Variants in EMC3 observed in about 807,000 individuals in gnomAD.
EMC3 encodes 30 kDa protein.
EMC3 carries 13 observed loss-of-function variants against 36.6 expected under a neutral mutation model. The ratio of observed to expected loss-of-function variants is 0.35; its 90% CI spans 0.23 to 0.56. The LOEUF is 0.56. EMC3 is among the 20% of genes least tolerant of loss of function. The pLI is 0.84. For missense variants in EMC3, 220 were observed against 324.5 expected (o/e 0.68, Z 2.47); for synonymous variants, 120 against 111.9 (o/e 1.07, Z -0.46).
At chr3:9,992,764 G>A in intron 1 of EMC3, 1 of 725,312 alleles carries the variant, frequency 1.4e-6, no homozygotes, top group Non-Finnish European at 2.3e-6. Context: ...GGGAGTGTGT[G>A]GAACAAATGA....
intron 3 of EMC3, among the ~76,000 whole-genome samples, chr3:9,974,857 GTTTTTTTTTTTT>G (rs71307728): frequency 1.6e-5 from 1 of 63,400 alleles, no homozygotes; most frequent in Admixed American, 2.0e-4. Flanking sequence ...CGCACCCAGC[GTTTTTTTTTTTT>G]TTTTTTTTTG....
upstream of EMC3, chr3:9,987,137 C>T (rs2085984846): frequency 1.2e-6 from 1 of 840,202 alleles, no homozygotes; most frequent in African/African-American, 1.9e-5. Flanking sequence ...TGGCGTGAAC[C>T]CAGGAGGCGG....
At chr3:9,966,464 A>G (rs1575671701) in intron 7 of EMC3, among the ~76,000 whole-genome samples, 1 of 151,652 alleles carries the variant, frequency 6.6e-6, no homozygotes, top group South Asian at 2.1e-4. Context: ...CTTGTGATCC[A>G]CCCACCTCAG....
intron 1 of EMC3, among the ~76,000 whole-genome samples, chr3:9,979,892 C>T (rs1046492970): frequency 1.4e-4 from 21 of 152,070 alleles, no homozygotes; most frequent in Admixed American, 1.2e-3. Flanking sequence ...AAACACTCTG[C>T]CTCTGAGGAC....
upstream of EMC3, chr3:9,988,851 C>G (rs573391315): frequency 1.2e-5 from 9 of 765,470 alleles, no homozygotes; most frequent in African/African-American, 1.6e-4. Context: ...TCCAGTCACT[C>G]TTCTCTCTCT....
intron 1 of EMC3, among the ~76,000 whole-genome samples, chr3:9,985,516 G>A (rs1352041091): frequency 6.6e-6 from 1 of 152,126 alleles, no homozygotes; most frequent in Non-Finnish European, 1.5e-5. Context: ...CAAGTTGCTG[G>A]GAGAAAACTA....
chr3:9,991,945 C>G (rs1236785050), intron 1 of EMC3, among the ~76,000 whole-genome samples: 1 of 152,106 alleles, frequency 6.6e-6, no homozygotes, highest in Non-Finnish European at 1.5e-5. Context: ...GGGGTTTGCG[C>G]TCCCGTGAGA....
At chr3:9,997,742 G>C (rs1435922478) in intron 1 of EMC3, among the ~76,000 whole-genome samples, 3 of 152,166 alleles carry the variant, frequency 2.0e-5, no homozygotes, top group Non-Finnish European at 2.9e-5. Flanking sequence ...CTACAGGCGT[G>C]AGCCACTGCG....
At chr3:9,977,691 T>C (rs1383999725) in intron 1 of EMC3, among the ~76,000 whole-genome samples, 1 of 152,198 alleles carries the variant, frequency 6.6e-6, no homozygotes, top group Non-Finnish European at 1.5e-5. Context: ...ATTTCAGAGT[T>C]AGGTACATTT....
intron 1 of EMC3, among the ~76,000 whole-genome samples, chr3:9,984,229 G>C (rs1033477656): frequency 6.9e-6 from 1 of 145,072 alleles, no homozygotes; most frequent in African/African-American, 2.6e-5. Flanking sequence ...CTACAGGCAC[G>C]TGCCATCACG....
chr3:9,965,737 G>C (rs1037547595), intron 7 of EMC3, among the ~76,000 whole-genome samples: 1 of 151,940 alleles, frequency 6.6e-6, no homozygotes, highest in Non-Finnish European at 1.5e-5. Context: ...CTTATTCTGG[G>C]CATATGTGGC....
At chr3:9,987,752 T>G, upstream of EMC3, 1 of 455,672 alleles carries the variant, frequency 2.2e-6, no homozygotes, top group Non-Finnish European at 4.0e-6. Context: ...CGACATTGCA[T>G]TTAGCTATTC....
At chr3:10,001,002 A>G in intron 1 of EMC3, 1 of 259,836 alleles carries the variant, frequency 3.8e-6, no homozygotes. Context: ...CCAAAGCCGG[A>G]CAACCCACTC....
intron 1 of EMC3, chr3:10,008,340 G>A (rs1032723260): frequency 1.6e-6 from 2 of 1,277,608 alleles, no homozygotes; most frequent in Non-Finnish European, 2.1e-6. Flanking sequence ...AGGGACTATA[G>A]GGAAGGGGCT....
chr3:9,969,707 G>C lies in EMC3; in HGVS notation c.657+12C>G. ...GAGCATTGCTGCAGCTTTGAAAGGT[G>C]AAGGAGTATACCTTGAAAGCTTTGT... is the stretch of plus-strand genomic sequence containing the variant. On this transcript the variant is annotated intron_variant, in intron 7 of 7. Transcript: ENST00000245046. 6.2e-7 allele frequency: 1 copy of C among 1,614,136 alleles called. No homozygotes were observed. Among genetic ancestry groups the C allele is most frequent in the Non-Finnish European group, 8.5e-7 (1 of 1,180,016 alleles).
chr3:9,988,732 A>G (rs2086008987), upstream of EMC3: 3 of 1,525,370 alleles, frequency 2.0e-6, no homozygotes, highest in Non-Finnish European at 2.7e-6. Flanking sequence ...ACACTGCCTC[A>G]GTATCTGAAC....
chr3:9,983,859 G>A (rs1427695502), intron 1 of EMC3, among the ~76,000 whole-genome samples: 1 of 152,156 alleles, frequency 6.6e-6, no homozygotes, highest in African/African-American at 2.4e-5. Context: ...CTGGGAGTGA[G>A]ACTGATCTGA....
chr3:9,996,303 G>A (rs1317048409), intron 1 of EMC3, among the ~76,000 whole-genome samples: 2 of 152,066 alleles, frequency 1.3e-5, no homozygotes, highest in African/African-American at 4.8e-5. Context: ...AAATTAGCCA[G>A]GTGTGGTGGC....
rs1341480384 is a variant in EMC3, at chr3:9,975,831, A to AG, written c.307+1125_307+1126insC. 2.0e-5 allele frequency among the ~76,000 whole-genome samples: 3 copies of AG among 151,746 alleles called. No homozygotes were observed. The South Asian group carries it at 6.2e-4, about 32-fold the overall frequency. Reference sequence around the variant, plus strand: ...CTTTCTGAAGAAAAAAAAAAAAAAAAAAAAAGATATCTTGTTTTAATTGAT... The same window carrying AG: ...CTTTCTGAAGAAAAAAAAAAAAAAAAGAAAAAGATATCTTGTTTTAATTGAT... On this transcript the variant is annotated intron_variant, in intron 3 of 7. Transcript: ENST00000245046.
Sources: gnomAD v4.1 joint callset for allele counts (sites outside exome capture counted in the v4.1 genomes callset) on GRCh38, gnomAD v4.1.1 for gene constraint, MANE v1.5 for transcripts, NCBI Gene and HGNC (gene_info 2026-07-23, HGNC 2026-07-21) for gene names.